The following ANKRD11 variants were observed in gnomAD, a reference collection of about 807,000 sequenced individuals.
The protein encoded by ANKRD11 is ankyrin repeat domain 11.
Under a neutral mutation model 195.7 loss-of-function variants are expected in ANKRD11, and 17 were observed. That is an observed-to-expected ratio of 0.09 (90% CI 0.06 to 0.13). The LOEUF is 0.13. Ranked by LOEUF, ANKRD11 falls within the 10% of genes least tolerant of loss-of-function variation. ANKRD11 has a pLI of 1.00. For missense variants in ANKRD11, 3,735 were observed against 3,566.1 expected (o/e 1.05, Z -1.21); for synonymous variants, 1,953 against 1,528.1 (o/e 1.28, Z -6.49).
chr16:89,453,831 C>T (rs764944893), intron 1 of ANKRD11, among the ~76,000 whole-genome samples: 1 of 152,112 alleles, frequency 6.6e-6, no homozygotes, highest in African/African-American at 2.4e-5. Context: ...CTTGTGAATT[C>T]GAGGCAGGAC....
chr16:89,376,256 G>A (rs2152093198), intron 2 of ANKRD11, among the ~76,000 whole-genome samples: 1 of 152,278 alleles, frequency 6.6e-6, no homozygotes, highest in South Asian at 2.1e-4. Context: ...AAAGTAAAAG[G>A]AAGGGGAAGC....
Position 89,291,022 on chromosome 16 carries a change from T to A in ANKRD11, c.388A>T (p.Asn130Tyr), listed in dbSNP as rs2035027094. ...CACAGGCCGGGCTCACCTGGGCTGT[T>A]GGCAGACTCCTCGGCCGTCATCTGC... Reference protein sequence around the residue: ...LMQMTAEESANSPVDTTPKHP... With the variant: ...LMQMTAEESAYSPVDTTPKHP... The change falls in exon 5 of 13, where the codon AAC (asparagine) becomes TAC (tyrosine). Residue 130 changes from asparagine (N) to tyrosine (Y), a missense_variant. Asn to Tyr is a moderately radical substitution (Grantham distance 143, BLOSUM62 -2). Transcript: ENST00000301030. This position sits in a 1 kb window ranked among gnomAD's most constrained non-coding sequence, Gnocchi z 5.3. 5 of 1,611,812 alleles carry A rather than the reference T, an allele frequency of 3.1e-6. No homozygotes were observed. The highest frequency in any genetic ancestry group is 4.2e-6 in the Non-Finnish European group (5 of 1,179,830).
chr16:89,321,656 G>GTATATATATA (rs2037335349), intron 2 of ANKRD11, among the ~76,000 whole-genome samples: 1 of 151,912 alleles, frequency 6.6e-6, no homozygotes, highest in Non-Finnish European at 1.5e-5. Flanking sequence ...GAGAAGGACC[G>GTATATATATA]TATAAGAAAA....
rs1446392360 is a variant in ANKRD11 at position 89,418,305 on chromosome 16, G to C, written c.-81C>G. On this transcript the variant is annotated 5_prime_UTR_variant, in exon 2 of 13. Coordinates refer to ENST00000301030, the MANE Select transcript of ANKRD11 (RefSeq NM_013275.6). The stretch of plus-strand genomic sequence containing the variant: ...TTACCGATTCCATAGCTGAAAGTCA[G>C]TGCTGACGAGGACTGTCTTTTAAAT... 4.4e-6 allele frequency: 2 copies of C among 453,956 alleles called. No individual in the cohort carries two copies. The highest frequency in any genetic ancestry group is 2.0e-5 in the African/African-American group (1 of 50,016). 28.1% of individuals were successfully genotyped at this position (453,956 alleles called of 1,614,324 possible).
intron 2 of ANKRD11, among the ~76,000 whole-genome samples, chr16:89,331,575 G>C (rs1256506295): frequency 6.6e-6 from 1 of 152,162 alleles, no homozygotes; most frequent in East Asian, 1.9e-4. Flanking sequence ...TGGGTGTGTG[G>C]TGACACTGAG....
At chr16:89,461,741 T>C (rs183574197) in intron 1 of ANKRD11, among the ~76,000 whole-genome samples, 1 of 152,218 alleles carries the variant, frequency 6.6e-6, no homozygotes, top group African/African-American at 2.4e-5. Context: ...CTGAACTTCA[T>C]CTTCTAAATA....
intron 2 of ANKRD11, among the ~76,000 whole-genome samples, chr16:89,403,275 G>A (rs1051257852): frequency 2.6e-5 from 4 of 152,134 alleles, no homozygotes; most frequent in African/African-American, 9.7e-5. Flanking sequence ...CACCAGCCAC[G>A]CACATGTTGT....
chr16:89,314,079 C>T (rs897278067), intron 3 of ANKRD11, among the ~76,000 whole-genome samples: 2 of 152,056 alleles, frequency 1.3e-5, no homozygotes, highest in African/African-American at 2.4e-5. Context: ...CAAAAATGAG[C>T]CGGGTGTAGC....
intron 4 of ANKRD11, chr16:89,299,313 C>G: frequency 4.3e-6 from 1 of 233,274 alleles, no homozygotes; most frequent in South Asian, 4.3e-5. Context: ...GGGATCTGTG[C>G]CCTGCGTGGG....
At chr16:89,486,601 A>G (rs2057622782) in intron 1 of ANKRD11, among the ~76,000 whole-genome samples, 1 of 152,168 alleles carries the variant, frequency 6.6e-6, no homozygotes, top group Admixed American at 6.5e-5. Flanking sequence ...GGCCCAACTG[A>G]GGAAAGGCAA....
At chr16:89,322,895 G>A (rs1238419044) in intron 2 of ANKRD11, among the ~76,000 whole-genome samples, 1 of 152,236 alleles carries the variant, frequency 6.6e-6, no homozygotes, top group Non-Finnish European at 1.5e-5. Flanking sequence ...CCAGGCTGGA[G>A]TGCAGCGGTG....
At chr16:89,418,476 T>C in intron 1 of ANKRD11, 108 bp from the exon 2 acceptor site, 1 of 341,262 alleles carries the variant, frequency 2.9e-6, no homozygotes. Context: ...TCCATCGCCC[T>C]TCCTCTCCCA....
At chr16:89,339,015 A>G (rs750974788) in intron 2 of ANKRD11, among the ~76,000 whole-genome samples, 1 of 152,136 alleles carries the variant, frequency 6.6e-6, no homozygotes, top group Non-Finnish European at 1.5e-5. Context: ...AGGACCCAGG[A>G]AGGAATGATG....
At chr16:89,392,736 G>A (rs2041253635) in intron 2 of ANKRD11, 1 of 147,960 alleles carries the variant, frequency 6.8e-6, no homozygotes, top group Admixed American at 6.9e-5. Context: ...TATCTAGGAT[G>A]TCCGGCACAC....
At chr16:89,463,965 A>C (rs546380113) in intron 1 of ANKRD11, among the ~76,000 whole-genome samples, 1 of 152,252 alleles carries the variant, frequency 6.6e-6, no homozygotes, top group Non-Finnish European at 1.5e-5. Flanking sequence ...AACGCCAGGC[A>C]CAGTGGTTCA....
chr16:89,304,388 G>A lies in ANKRD11; in HGVS notation c.226+818C>T, dbSNP rs1056693117. ...CATGCACATGCACACACATGCAAACGCACACATGGGCATACACACATGAGC... is the reference window on the plus strand; with the variant it reads ...CATGCACATGCACACACATGCAAACACACACATGGGCATACACACATGAGC... On this transcript the variant is annotated intron_variant, in intron 4 of 12. Transcript: ENST00000301030. Among the ~76,000 whole-genome samples the A allele has an allele frequency of 1.1e-3, 152 of 144,360 alleles. 1 individual carries two copies. The highest frequency in any genetic ancestry group is 2.3e-3 in the East Asian group (11 of 4,806). 94.7% of individuals were successfully genotyped at this position (144,360 alleles called of 152,430 possible).
chr16:89,310,127 C>A (rs1389511714), intron 3 of ANKRD11, among the ~76,000 whole-genome samples: 5 of 152,264 alleles, frequency 3.3e-5, no homozygotes, highest in African/African-American at 1.2e-4. Context: ...GTGTTGTCCA[C>A]TGACTGCAGC....
chr16:89,274,054 C>T (rs1440528582), intron 11 of ANKRD11, among the ~76,000 whole-genome samples: 3 of 152,092 alleles, frequency 2.0e-5, no homozygotes, highest in African/African-American at 2.4e-5. Flanking sequence ...GGCGAGGCAA[C>T]GGGAGAGCCA....
At chr16:89,365,929 T>A (rs1489729028) in intron 2 of ANKRD11, among the ~76,000 whole-genome samples, 1 of 152,082 alleles carries the variant, frequency 6.6e-6, no homozygotes, top group African/African-American at 2.4e-5. Context: ...TCTCATCATT[T>A]CGTTCCCATT....
Sources: allele counts gnomAD v4.1 joint callset (sites outside exome capture counted in the v4.1 genomes callset), GRCh38; gene constraint gnomAD v4.1.1; non-coding constraint Gnocchi (gnomAD v3.1); transcripts MANE v1.5; gene names NCBI Gene and HGNC (gene_info 2026-07-23, HGNC 2026-07-21).